Variants in COL4A4 observed in about 807,000 individuals in gnomAD.
COL4A4 encodes the protein collagen alpha-4(IV) chain.
COL4A4 carries 105 observed loss-of-function variants against 192.9 expected under a neutral mutation model. That is an observed-to-expected ratio of 0.54 (90% confidence interval 0.46 to 0.64). The LOEUF (loss-of-function observed/expected upper bound fraction) is 0.64. Ranked by LOEUF, COL4A4 falls within the 30% of genes least tolerant of loss-of-function variation. The probability of loss-of-function intolerance (pLI) is 0.00; values close to 1 mark genes in which losing one functional copy is unlikely to be tolerated. For synonymous variants in COL4A4, 762 were observed against 769.9 expected, an observed-to-expected ratio of 0.99 and a Z score of 0.17; for missense variants, 1,967 against 2,169.3, an observed-to-expected ratio of 0.91 and a Z score of 1.85.
At chr2:227,027,598 C>A (rs1039130267) in intron 42 of COL4A4, among the ~76,000 whole-genome samples, 4 of 150,186 alleles carry the variant, frequency 2.7e-5, no homozygotes, top group Non-Finnish European at 4.4e-5. Flanking sequence ...CAAACCTGCA[C>A]GTTGTGCACA....
At chr2:227,098,521 G>C (rs2060328161) in intron 19 of COL4A4, among the ~76,000 whole-genome samples, 173 bp downstream of exon 19, 1 of 152,166 alleles carries the variant, frequency 6.6e-6, no homozygotes, top group Non-Finnish European at 1.5e-5. Context: ...CAGATCCCCA[G>C]GCCCATCTCC....
At chr2:227,049,349 A>G (rs1404861576) in intron 34 of COL4A4, among the ~76,000 whole-genome samples, 2 of 152,242 alleles carry the variant, frequency 1.3e-5, no homozygotes, top group African/African-American at 4.8e-5. Flanking sequence ...GTGGGGCCAA[A>G]TCTAGCCTGC....
At chr2:227,126,466 G>GT (rs2062097108) in intron 4 of COL4A4, among the ~76,000 whole-genome samples, 1 of 152,192 alleles carries the variant, frequency 6.6e-6, no homozygotes, top group Non-Finnish European at 1.5e-5. Flanking sequence ...AGATGTTGGT[G>GT]TTTTTTGCTG....
chr2:226,984,741 A>C, the COL4A4 span, among the ~76,000 whole-genome samples: 1 of 152,124 alleles, frequency 6.6e-6, no homozygotes, highest in Non-Finnish European at 1.5e-5. Context: ...TGGAATACTC[A>C]ATTTATAAGC....
chr2:227,150,719 G>C (rs2063874008), intron 1 of COL4A4, among the ~76,000 whole-genome samples: 1 of 152,098 alleles, frequency 6.6e-6, no homozygotes, highest in Non-Finnish European at 1.5e-5. Flanking sequence ...ACTGAGCAAA[G>C]GGGGAAGCCC....
At chr2:227,161,664 C>T (rs190561510) in intron 1 of COL4A4, among the ~76,000 whole-genome samples, 9 of 152,176 alleles carry the variant, frequency 5.9e-5, no homozygotes, top group Admixed American at 4.6e-4. Context: ...CAGGTGCATA[C>T]GAATCACCTG....
chr2:227,122,906 C>G (rs1481841848), intron 4 of COL4A4, among the ~76,000 whole-genome samples: 1 of 151,970 alleles, frequency 6.6e-6, no homozygotes, highest in African/African-American at 2.4e-5. Context: ...ACTCTGTTTC[C>G]CAGGCTGGAG....
chr2:226,978,865 T>C, the COL4A4 span, among the ~76,000 whole-genome samples: 2 of 152,124 alleles, frequency 1.3e-5, no homozygotes, highest in African/African-American at 4.8e-5. Context: ...ATGTTTGTTT[T>C]TGAAAAGCTC....
intron 21 of COL4A4, among the ~76,000 whole-genome samples, chr2:227,089,313 A>C (rs929889355): frequency 9.2e-5 from 14 of 152,018 alleles, no homozygotes; most frequent in Non-Finnish European, 1.9e-4. Flanking sequence ...TTTTCCAATT[A>C]TCAGGACTTT....
At position 227,110,931 on chromosome 2, in the gene COL4A4, T is replaced by C. The variant is rs534431310; in HGVS notation, c.594+747A>G. 2.0e-5 allele frequency among the ~76,000 whole-genome samples: 3 copies of C among 151,060 alleles called. No individual in the cohort carries two copies. The South Asian group carries it at 6.3e-4, about 32-fold the overall frequency. On this transcript the variant is annotated intron_variant, in intron 9 of 47. Coordinates refer to ENST00000396625, the MANE Select transcript of COL4A4 (RefSeq NM_000092.5). ...TCCTGACCTCGTGATCCACCTGCCT[T>C]GGCCTCCCAAAGTGCTGGGATTACA... is the stretch of plus-strand genomic sequence containing the variant.
the COL4A4 span, among the ~76,000 whole-genome samples, chr2:226,991,718 A>T: frequency 1.3e-5 from 2 of 152,204 alleles, no homozygotes; most frequent in Non-Finnish European, 2.9e-5. Flanking sequence ...TAAGACCAAG[A>T]GCAAGAGGGT....
At chr2:227,023,730 T>C (rs1966462943) in intron 43 of COL4A4, among the ~76,000 whole-genome samples, 1 of 152,104 alleles carries the variant, frequency 6.6e-6, no homozygotes, top group South Asian at 2.1e-4. Context: ...ACACTCAGGC[T>C]TCGCCAGGCG....
At chr2:227,089,838 C>G in intron 21 of COL4A4, 30 bp downstream of exon 21, 1 of 1,557,386 alleles carries the variant, frequency 6.4e-7, no homozygotes, top group Non-Finnish European at 8.9e-7. Flanking sequence ...CAGTTGTCTT[C>G]TAGAAATTCT....
intron 6 of COL4A4, among the ~76,000 whole-genome samples, chr2:227,119,130 G>A (rs2061642991): frequency 1.3e-5 from 2 of 151,372 alleles, no homozygotes; most frequent in African/African-American, 4.8e-5. Context: ...GGACTCATCA[G>A]CAAATAAAAA....
chr2:227,094,096 C>T (rs1576456368), intron 20 of COL4A4, 29 bp downstream of exon 20: 3 of 1,602,826 alleles, frequency 1.9e-6, no homozygotes, highest in Non-Finnish European at 1.7e-6. Flanking sequence ...AGCATAAATG[C>T]TAATGGATAT....
chr2:227,161,606 T>A (rs1576972816), intron 1 of COL4A4, among the ~76,000 whole-genome samples: 2 of 152,152 alleles, frequency 1.3e-5, no homozygotes, highest in South Asian at 4.2e-4. Flanking sequence ...GGGGAATAGG[T>A]GGTTAAATGT....
At chr2:227,058,927 A>G (rs1157829572) in intron 28 of COL4A4, among the ~76,000 whole-genome samples, 2 of 152,082 alleles carry the variant, frequency 1.3e-5, no homozygotes, top group Non-Finnish European at 2.9e-5. Flanking sequence ...TGCCACCCCA[A>G]ATGGAATGAA....
chr2:227,147,588 T>C lies in COL4A4; in HGVS notation c.-101-4A>G, dbSNP rs147186690. 5,973 of 929,392 alleles carry C rather than the reference T, an allele frequency of 6.4e-3. 30 individuals carry two copies. Among genetic ancestry groups the C allele is most frequent in the Non-Finnish European group, 8.9e-3 (5,023 of 566,516 alleles). The allele number at this position is 929,392 out of a possible 1,614,324, so 57.6% of individuals were successfully genotyped here. A position where few individuals can be genotyped will look rare whatever the true frequency, so the allele number is the denominator to read the frequency against. The stretch of plus-strand genomic sequence containing the variant: ...TGTTCTGGGTCAAAGTCTGTTCCTG[T>C]TAGATATAAATATATCACTTAAAAC... On this transcript the variant is annotated splice_polypyrimidine_tract_variant and splice_region_variant and intron_variant, in intron 1 of 47. Coordinates refer to ENST00000396625, the MANE Select transcript of COL4A4 (RefSeq NM_000092.5).
chr2:226,997,857 G>A (rs538597297), downstream of COL4A4: 2 of 152,322 alleles, frequency 1.3e-5, no homozygotes, highest in African/African-American at 2.4e-5. Context: ...AATTATTTTA[G>A]TTAATGGACT....
Sources: allele counts gnomAD v4.1 joint callset (sites outside exome capture counted in the v4.1 genomes callset), GRCh38; gene constraint gnomAD v4.1.1; transcripts MANE v1.5; gene names NCBI Gene and HGNC (gene_info 2026-07-23, HGNC 2026-07-21).